Variants in HMG20A observed in about 807,000 individuals in gnomAD.
HMG20A encodes high mobility group 20A.
Under a neutral mutation model 43.9 loss-of-function variants are expected in HMG20A, and 17 were observed. That is an observed-to-expected ratio of 0.39 (90% CI 0.27 to 0.58). HMG20A has a LOEUF of 0.58. Among genes scored for constraint, HMG20A ranks in the 20% least tolerant of loss-of-function variants. HMG20A has a pLI of 0.59. For synonymous variants in HMG20A, 132 were observed against 147.5 expected, an observed-to-expected ratio of 0.89 and a Z score of 0.76; for missense variants, 341 against 438.2, an observed-to-expected ratio of 0.78 and a Z score of 1.98.
chr15:77,454,707 T>C (rs1241515081), intron 1 of HMG20A, among the ~76,000 whole-genome samples: 16 of 152,174 alleles, frequency 1.1e-4, no homozygotes, highest in Admixed American at 1.0e-3. Flanking sequence ...GAATTGAGTA[T>C]TGGCAAAAGA....
intron 9 of HMG20A, chr15:77,482,680 T>C (rs559498999): frequency 6.6e-6 from 1 of 152,304 alleles, no homozygotes; most frequent in East Asian, 1.9e-4. Flanking sequence ...TCCCTGATAG[T>C]TGCTTTTCTG....
the HMG20A span, among the ~76,000 whole-genome samples, chr15:77,507,355 C>T: frequency 4.0e-5 from 6 of 151,240 alleles, no homozygotes; most frequent in Non-Finnish European, 8.8e-5. Flanking sequence ...TGTACACACA[C>T]CCCCCACACC....
At chr15:77,508,857 A>G in the HMG20A span, among the ~76,000 whole-genome samples, 1 of 152,360 alleles carries the variant, frequency 6.6e-6, no homozygotes, top group African/African-American at 2.4e-5. Flanking sequence ...TTTGATTTGC[A>G]CATGGTAAGT....
chr15:77,466,338 G>A (rs4349115), intron 3 of HMG20A, among the ~76,000 whole-genome samples: 12,910 of 151,998 alleles, frequency 0.085, 624 homozygotes, highest in Non-Finnish European at 0.1. Context: ...CCGAGATAGC[G>A]CCATTGCACT....
intron 4 of HMG20A, among the ~76,000 whole-genome samples, chr15:77,469,913 C>A (rs566884178): frequency 1.3e-5 from 2 of 152,114 alleles, no homozygotes; most frequent in African/African-American, 4.8e-5. Context: ...AGTGATCCAC[C>A]CACCTCGGTC....
chr15:77,498,715 C>G, the HMG20A span, among the ~76,000 whole-genome samples: 36 of 152,316 alleles, frequency 2.4e-4, 2 homozygotes, highest in South Asian at 6.8e-3. Flanking sequence ...CCCCATGTAT[C>G]TCAAAAGGCA....
At chr15:77,434,609 T>C (rs1186234099) in intron 1 of HMG20A, among the ~76,000 whole-genome samples, 1 of 152,176 alleles carries the variant, frequency 6.6e-6, no homozygotes, top group African/African-American at 2.4e-5. Context: ...CAAAGGCCAA[T>C]ATGCACCCAG....
At chr15:77,456,933 T>G (rs2072660263) in intron 1 of HMG20A, among the ~76,000 whole-genome samples, 1 of 152,196 alleles carries the variant, frequency 6.6e-6, no homozygotes, top group Admixed American at 6.5e-5. Flanking sequence ...TGTAAACACC[T>G]TATCTTGAAG....
At chr15:77,436,109 A>G (rs899930084) in intron 1 of HMG20A, among the ~76,000 whole-genome samples, 1 of 152,248 alleles carries the variant, frequency 6.6e-6, no homozygotes, top group Non-Finnish European at 1.5e-5. Context: ...AAGGCATCTT[A>G]AAATGAACAT....
chr15:77,421,309 G>T (rs2073330566), intron 1 of HMG20A, among the ~76,000 whole-genome samples: 1 of 152,222 alleles, frequency 6.6e-6, no homozygotes, highest in African/African-American at 2.4e-5. Context: ...CTTGGGGATT[G>T]TGTTTTATGT....
intron 4 of HMG20A, among the ~76,000 whole-genome samples, chr15:77,469,651 ATTTATTTGTTTG>A (rs1433566132): frequency 6.7e-6 from 1 of 150,188 alleles, no homozygotes; most frequent in Non-Finnish European, 1.5e-5. Flanking sequence ...ACCCCCATTT[ATTTATTTGTTTG>A]TTTGTTTGTT....
intron 1 of HMG20A, among the ~76,000 whole-genome samples, chr15:77,432,201 G>C (rs907131213): frequency 2.0e-5 from 3 of 152,106 alleles, no homozygotes; most frequent in East Asian, 3.8e-4. Context: ...TAGAAATCAC[G>C]ATGGCAATTA....
At chr15:77,471,177 A>G in intron 5 of HMG20A, 135 bp downstream of exon 5, 5 of 813,074 alleles carry the variant, frequency 6.1e-6, no homozygotes, top group Non-Finnish European at 9.0e-6. Flanking sequence ...ACTTACAAGC[A>G]TTATCTTGAA....
At chr15:77,424,927 C>A (rs1029399038) in intron 1 of HMG20A, among the ~76,000 whole-genome samples, 1 of 152,016 alleles carries the variant, frequency 6.6e-6, no homozygotes, top group Non-Finnish European at 1.5e-5. Context: ...TCACATTATT[C>A]ATCTACACAT....
At chr15:77,497,085 AC>A in the HMG20A span, among the ~76,000 whole-genome samples, 2 of 152,154 alleles carry the variant, frequency 1.3e-5, no homozygotes, top group Admixed American at 6.5e-5. Context: ...TCCATAGCCG[AC>A]CCTCGCAAGT....
chr15:77,443,376 G>GATTATTATT (rs1491110236), intron 1 of HMG20A, among the ~76,000 whole-genome samples: 3,167 of 121,012 alleles, frequency 0.026, 45 homozygotes, highest in Non-Finnish European at 0.036. Flanking sequence ...TGATGATGAT[G>GATTATTATT]ATGATTATTA....
chr15:77,441,071 C>T (rs1302601754), intron 1 of HMG20A, among the ~76,000 whole-genome samples: 4 of 152,132 alleles, frequency 2.6e-5, no homozygotes, highest in Admixed American at 6.5e-5. Context: ...TATGATGACA[C>T]CATACTACCT....
chr15:77,494,007 CTT>C, the HMG20A span, among the ~76,000 whole-genome samples: 1 of 152,126 alleles, frequency 6.6e-6, no homozygotes, highest in South Asian at 2.1e-4. Context: ...TCCAAGGAGA[CTT>C]TTTTTATTAG....
the HMG20A span, among the ~76,000 whole-genome samples, chr15:77,512,342 A>G: frequency 1.3e-5 from 2 of 152,204 alleles, no homozygotes; most frequent in African/African-American, 4.8e-5. Context: ...TGGTTGCACA[A>G]CAATGAGAAT....
Sources: gnomAD v4.1 joint callset for allele counts (sites outside exome capture counted in the v4.1 genomes callset) on GRCh38, gnomAD v4.1.1 for gene constraint, MANE v1.5 for transcripts, NCBI Gene and HGNC (gene_info 2026-07-23, HGNC 2026-07-21) for gene names.